The following COL28A1 variants were observed in gnomAD, a reference collection of about 807,000 sequenced individuals.
COL28A1 encodes collagen type XXVIII alpha 1 chain.
Under a neutral mutation model 150.2 loss-of-function variants are expected in COL28A1, and 161 were observed. The ratio of observed to expected loss-of-function variants is 1.07; its 90% CI spans 0.94 to 1.22. The LOEUF (loss-of-function observed/expected upper bound fraction) is 1.22. Ranked by LOEUF, COL28A1 falls within the 50% of genes most tolerant of loss-of-function variation. The pLI is 0.00. For synonymous variants in COL28A1, 552 were observed against 469.7 expected (o/e 1.18, Z -2.26); for missense variants, 1,617 against 1,388.3 (o/e 1.16, Z -2.62).
chr7:7,494,014 T>G (rs1780067445), intron 11 of COL28A1, among the ~76,000 whole-genome samples: 1 of 152,148 alleles, frequency 6.6e-6, no homozygotes, highest in African/African-American at 2.4e-5. Context: ...AGAAAGAATA[T>G]GTTTCTCATT....
the COL28A1 span, among the ~76,000 whole-genome samples, chr7:7,349,684 C>A: frequency 6.6e-6 from 1 of 152,130 alleles, no homozygotes; most frequent in Non-Finnish European, 1.5e-5. Context: ...GGGCTCACCT[C>A]ACTTTCTTTC....
At chr7:7,387,395 G>T (rs917739492) in intron 27 of COL28A1, among the ~76,000 whole-genome samples, 8 of 152,070 alleles carry the variant, frequency 5.3e-5, no homozygotes, top group Admixed American at 5.2e-4. Context: ...AAAAGAATTA[G>T]ATAAACACTT....
intron 33 of COL28A1, among the ~76,000 whole-genome samples, chr7:7,369,090 A>C (rs1188182925): frequency 6.6e-6 from 1 of 152,222 alleles, no homozygotes; most frequent in Non-Finnish European, 1.5e-5. Context: ...AGGAGGGCTC[A>C]GTTTAAGCAT....
At chr7:7,354,419 A>G (rs969932327), downstream of COL28A1, among the ~76,000 whole-genome samples, 9 of 152,198 alleles carry the variant, frequency 5.9e-5, no homozygotes, top group African/African-American at 1.9e-4. Context: ...ATCAAAGTAT[A>G]GTGAAATTAA....
upstream of COL28A1, among the ~76,000 whole-genome samples, chr7:7,539,676 G>A (rs1314141630): frequency 6.6e-6 from 1 of 152,194 alleles, no homozygotes; most frequent in Non-Finnish European, 1.5e-5. Flanking sequence ...TTGCTTAAAT[G>A]TGGAACAGCG....
At chr7:7,348,645 CTTTT>C in the COL28A1 span, among the ~76,000 whole-genome samples, 1 of 31,688 alleles carries the variant, frequency 3.2e-5, no homozygotes, top group Non-Finnish European at 1.8e-4. Context: ...AGTTTCTGCT[CTTTT>C]TTTTTTATTA....
chr7:7,407,179 T>C (rs118188140), intron 27 of COL28A1, among the ~76,000 whole-genome samples: 294 of 152,054 alleles, frequency 1.9e-3, no homozygotes, highest in Non-Finnish European at 2.2e-3. Context: ...AAGATATGTA[T>C]AGATTGTAGA....
At chr7:7,508,257 T>C (rs1201527284) in intron 9 of COL28A1, among the ~76,000 whole-genome samples, 1 of 151,852 alleles carries the variant, frequency 6.6e-6, no homozygotes, top group African/African-American at 2.4e-5. Context: ...ATTTCCTTTT[T>C]CCATGTCATT....
At chr7:7,543,215 A>T in the COL28A1 span, among the ~76,000 whole-genome samples, 6 of 152,322 alleles carry the variant, frequency 3.9e-5, no homozygotes, top group South Asian at 6.2e-4. Flanking sequence ...TTGATGAATG[A>T]GTATAGTTCC....
At chr7:7,538,668 A>G (rs149856870), upstream of COL28A1, among the ~76,000 whole-genome samples, 6 of 152,240 alleles carry the variant, frequency 3.9e-5, no homozygotes, top group East Asian at 1.2e-3. Context: ...AGAATCATTT[A>G]AAAAGAGACA....
At chr7:7,504,839 C>T (rs1780723140) in intron 11 of COL28A1, among the ~76,000 whole-genome samples, 1 of 152,198 alleles carries the variant, frequency 6.6e-6, no homozygotes, top group Non-Finnish European at 1.5e-5. Context: ...AAGCCTCTTT[C>T]TCACAAACAT....
rs1057111866 is a variant in COL28A1 at position 7,452,476 on chromosome 7, G to A, written c.1441-89C>T. ...CTAAAACCTGTCTTATATCAACAAAGTAAAACAGTTTCATGTGCTCAATTC... is the reference window on the plus strand; with the variant it reads ...CTAAAACCTGTCTTATATCAACAAAATAAAACAGTTTCATGTGCTCAATTC... On this transcript the variant is annotated intron_variant, in intron 17 of 34. Coordinates refer to ENST00000399429, the MANE Select transcript of COL28A1 (RefSeq NM_001037763.3). 2.0e-6 allele frequency: 3 copies of A among 1,478,248 alleles called. No individual in the cohort carries two copies. The Admixed American group carries it at 8.4e-5, about 41-fold the overall frequency. 91.6% of individuals were successfully genotyped at this position (1,478,248 alleles called of 1,614,324 possible). A position where few individuals can be genotyped will look rare whatever the true frequency, so the allele number is the denominator to read the frequency against.
rs1052718956 is a variant in COL28A1 at position 7,358,464 on chromosome 7, A to G, written c.*169T>C. ...TCAGAGCCTCAGCTTTCTTACCTAT[A>G]TAAGTGGTTAATAATATGTACATCC... On this transcript the variant is annotated 3_prime_UTR_variant, in exon 35 of 35. Transcript: ENST00000399429. 2.4e-5 allele frequency: 14 copies of G among 571,962 alleles called. No homozygotes were observed. The South Asian group carries it at 3.0e-4, about 12-fold the overall frequency. 35.4% of individuals were successfully genotyped at this position (571,962 alleles called of 1,614,324 possible).
At chr7:7,543,850 C>T in the COL28A1 span, among the ~76,000 whole-genome samples, 1 of 147,468 alleles carries the variant, frequency 6.8e-6, no homozygotes, top group Non-Finnish European at 1.5e-5. Context: ...GCAGTTGACC[C>T]TCACAAGGTG....
intron 16 of COL28A1, among the ~76,000 whole-genome samples, chr7:7,455,536 T>C (rs1787082488): frequency 6.6e-6 from 1 of 152,210 alleles, no homozygotes; most frequent in Non-Finnish European, 1.5e-5. Flanking sequence ...TTTGCTTCTA[T>C]TCCAGAAGTT....
chr7:7,512,838 C>G (rs954530616), intron 8 of COL28A1, among the ~76,000 whole-genome samples: 6 of 152,322 alleles, frequency 3.9e-5, no homozygotes, highest in East Asian at 1.9e-4. Context: ...GCTCTCAACA[C>G]TAGCTTCTGC....
At chr7:7,540,251 G>C (rs1176297006), upstream of COL28A1, among the ~76,000 whole-genome samples, 2 of 152,132 alleles carry the variant, frequency 1.3e-5, no homozygotes, top group African/African-American at 2.4e-5. Context: ...AGAAAGATCA[G>C]ATCTATTTAT....
chr7:7,430,406 C>T (rs551820129), intron 25 of COL28A1, among the ~76,000 whole-genome samples: 9 of 152,288 alleles, frequency 5.9e-5, no homozygotes, highest in African/African-American at 2.2e-4. Context: ...GAATTACAGG[C>T]ATGAGCCACC....
chr7:7,475,487 T>A (rs1788788993), intron 14 of COL28A1, among the ~76,000 whole-genome samples: 1 of 152,192 alleles, frequency 6.6e-6, no homozygotes, highest in South Asian at 2.1e-4. Flanking sequence ...CGGAACACGA[T>A]GTGTTCTTTC....
Sources: allele counts gnomAD v4.1 joint callset (sites outside exome capture counted in the v4.1 genomes callset), GRCh38; gene constraint gnomAD v4.1.1; transcripts MANE v1.5; gene names NCBI Gene and HGNC (gene_info 2026-07-23, HGNC 2026-07-21).